Variants in PTPRS observed in about 807,000 individuals in gnomAD.
PTPRS encodes receptor-type tyrosine-protein phosphatase S.
A neutral mutation model predicts 215.3 loss-of-function variants in PTPRS; 63 were observed. That is an observed-to-expected ratio of 0.29 (90% CI 0.24 to 0.36). The LOEUF is 0.36. PTPRS is among the 10% of genes least tolerant of loss of function. PTPRS has a pLI of 1.00. For missense variants in PTPRS, 2,258 were observed against 2,825.8 expected, an observed-to-expected ratio of 0.80 and a Z score of 4.56; for synonymous variants, 1,404 against 1,191.4, an observed-to-expected ratio of 1.18 and a Z score of -3.68.
At chr19:5,209,634 C>A (rs1024461310) in intron 35 of PTPRS, among the ~76,000 whole-genome samples, 19 of 152,178 alleles carry the variant, frequency 1.2e-4, no homozygotes, top group Non-Finnish European at 2.5e-4. Context: ...CCACCCCCTG[C>A]TGGCCAAACA....
rs1182286643 is a variant in PTPRS, at chr19:5,244,145, G to T, written c.1326C>A (p.Thr442=). 1 of 1,603,404 alleles carries T rather than the reference G, an allele frequency of 6.2e-7. No homozygotes were observed. The highest frequency in any genetic ancestry group is 8.5e-7 in the Non-Finnish European group (1 of 1,175,292). ...CCGGCTCCTCCCACTGCACAATCAT[G>T]GTGGTCGCGCTGAGCATCCGGGCTT... ...NVQARMLSAT[T]MIVQWEEPVE... is the part of the protein sequence containing the mutation. The change falls in exon 11 of 38, where the codon ACC becomes ACA. Residue 442 remains threonine (T), a synonymous_variant. Transcript: ENST00000262963. The surrounding 1 kb of genome is among the most constrained non-coding windows in gnomAD (Gnocchi z 7.2).
intron 1 of PTPRS, among the ~76,000 whole-genome samples, chr19:5,299,152 C>A (rs2049228716): frequency 1.3e-5 from 2 of 152,158 alleles, no homozygotes; most frequent in South Asian, 4.1e-4. Flanking sequence ...GAGTCAGGTC[C>A]CGTCCCTCCT....
chr19:5,309,531 G>A (rs1190534744), intron 1 of PTPRS, among the ~76,000 whole-genome samples: 1 of 152,124 alleles, frequency 6.6e-6, no homozygotes, highest in Non-Finnish European at 1.5e-5. Context: ...GTCAGGAGCT[G>A]CCAACTCCAT....
At chr19:5,251,491 G>C (rs1440013025) in intron 9 of PTPRS, among the ~76,000 whole-genome samples, 2 of 145,786 alleles carry the variant, frequency 1.4e-5, no homozygotes, top group East Asian at 4.0e-4. Flanking sequence ...TTTTCCCCCA[G>C]TTCTGGCCAA....
intron 2 of PTPRS, among the ~76,000 whole-genome samples, chr19:5,277,510 GC>G (rs1171372581): frequency 6.6e-6 from 1 of 151,874 alleles, no homozygotes; most frequent in East Asian, 2.0e-4. Context: ...CAAAAAATTA[GC>G]TGGGCGAGGT....
At position 5,338,882 on chromosome 19, in the gene PTPRS, A is replaced by G. The variant is rs2050593947; in HGVS notation, c.-95+1782T>C. The stretch of plus-strand genomic sequence containing the variant: ...GAGGGAAGAAGGGCGCCCCAGACAA[A>G]GAGGCGCCGTCACCCTCTGCACCCC... On this transcript the variant is annotated intron_variant, in intron 1 of 37. Coordinates refer to ENST00000262963, the MANE Select transcript of PTPRS (RefSeq NM_002850.4). The surrounding 1 kb of genome is among the most constrained non-coding windows in gnomAD (Gnocchi z 4.2). Among the ~76,000 whole-genome samples, 1 of 152,142 alleles carries G rather than the reference A, an allele frequency of 6.6e-6. No homozygotes were observed. Among genetic ancestry groups the G allele is most frequent in the African/African-American group, 2.4e-5 (1 of 41,440 alleles).
Position 5,339,566 on chromosome 19 carries a change from G to A in PTPRS, c.-95+1098C>T, listed in dbSNP as rs2050618410. On this transcript the variant is annotated intron_variant, in intron 1 of 37. Coordinates refer to ENST00000262963, the MANE Select transcript of PTPRS (RefSeq NM_002850.4). This position sits in a 1 kb window ranked among gnomAD's most constrained non-coding sequence, Gnocchi z 4.2. ...GTGGGAAATGTCCAGGATTTGTAGG[G>A]GGAGGTCCGAAGGGGAGGATCTTAA... Among the ~76,000 whole-genome samples, 1 of 151,956 alleles carries A rather than the reference G, an allele frequency of 6.6e-6. No individual in the cohort carries two copies. The highest frequency in any genetic ancestry group is 2.4e-5 in the African/African-American group (1 of 41,374).
intron 1 of PTPRS, among the ~76,000 whole-genome samples, chr19:5,320,552 G>A (rs997205490): frequency 2.6e-5 from 4 of 152,114 alleles, no homozygotes; most frequent in Admixed American, 6.5e-5. Context: ...CTCCCAAGTA[G>A]CTGGGATTAC....
At chr19:5,333,363 G>A (rs2050391338) in intron 1 of PTPRS, among the ~76,000 whole-genome samples, 1 of 151,432 alleles carries the variant, frequency 6.6e-6, no homozygotes. Flanking sequence ...AAAGTCAGCT[G>A]GGCGTGCTGG....
At chr19:5,286,397 T>C (rs2048354151) in intron 1 of PTPRS, 163 bp from the exon 2 acceptor site, 1 of 519,528 alleles carries the variant, frequency 1.9e-6, no homozygotes. Flanking sequence ...ATGAAAGTGC[T>C]GGGCCCTTGC....
rs1052463006 is a variant in PTPRS at position 5,211,739 on chromosome 19, T to A, written c.5085A>T (p.Ser1695=). The A allele has an allele frequency of 1.5e-5, 24 of 1,613,730 alleles. No homozygotes were observed. Among genetic ancestry groups the A allele is most frequent in the Non-Finnish European group, 2.0e-5 (24 of 1,179,850 alleles). ...AAGGCAGATTGGCACTGATGAAGCG[T>A]GACGTGTGGGCCTTGGAGTTAGCCA... The part of the protein sequence containing the change: ...KRLANSKAHT[S]RFISANLPCN... The change falls in exon 33 of 38, where the codon TCA becomes TCT. Residue 1695 remains serine, a synonymous_variant. Coordinates refer to ENST00000262963, the MANE Select transcript of PTPRS (RefSeq NM_002850.4).
chr19:5,214,327 CACCCTCA>C (rs2041214995), intron 30 of PTPRS, 27 bp downstream of exon 30: 1 of 1,613,530 alleles, frequency 6.2e-7, no homozygotes, highest in Admixed American at 1.7e-5. Context: ...CACATTCCTC[CACCCTCA>C]GCCCCCAGCC....
chr19:5,218,585 G>A, intron 24 of PTPRS, 53 bp from the exon 25 acceptor site: 1 of 1,572,256 alleles, frequency 6.4e-7, no homozygotes, highest in Non-Finnish European at 8.8e-7. Context: ...ATGTTCATGT[G>A]TGAACACAAT....
intron 12 of PTPRS, 118 bp downstream of exon 12, chr19:5,240,081 G>A (rs2145871031): frequency 1.6e-6 from 2 of 1,216,480 alleles, no homozygotes; most frequent in Non-Finnish European, 1.1e-6. Context: ...AAGGGGTGAG[G>A]AAGAGCAGAA....
At chr19:5,223,883 T>C (rs1443758830) in intron 17 of PTPRS, among the ~76,000 whole-genome samples, 1 of 151,744 alleles carries the variant, frequency 6.6e-6, no homozygotes, top group Non-Finnish European at 1.5e-5. Flanking sequence ...TTTTTAAAAG[T>C]GGATCTCAAG....
intron 11 of PTPRS, among the ~76,000 whole-genome samples, chr19:5,242,956 G>C (rs145852623): frequency 5.9e-5 from 9 of 152,104 alleles, no homozygotes; most frequent in African/African-American, 1.7e-4. Flanking sequence ...AAAGTGCTGA[G>C]ATTACAGACA....
At position 5,229,296 on chromosome 19, in the gene PTPRS, T is replaced by C; in HGVS notation, c.2376+20A>G. ...CGGGAAGCGCACAGCAGTAGGTGGGTGGCCAGGGGCGCTACTTACATATTC... is the reference window on the plus strand; with the variant it reads ...CGGGAAGCGCACAGCAGTAGGTGGGCGGCCAGGGGCGCTACTTACATATTC... On this transcript the variant is annotated intron_variant, in intron 16 of 37. Transcript: ENST00000262963. The C allele has an allele frequency of 2.9e-6, 4 of 1,375,300 alleles. No homozygotes were observed. The highest frequency in any genetic ancestry group is 3.8e-6 in the Non-Finnish European group (4 of 1,059,688). The allele number at this position is 1,375,300 out of a possible 1,614,324, so 85.2% of individuals were successfully genotyped here. A position where few individuals can be genotyped will look rare whatever the true frequency, so the allele number is the denominator to read the frequency against.
Position 5,219,952 on chromosome 19 carries a change from T to C in PTPRS, c.3752A>G (p.Gln1251Arg), listed in dbSNP as rs757534258. ...RYVLFVLAVL[Q>R]KSEPTFAASP... ...TTCAGGACTTACAGGCTCGCTCTTC[T>C]GAAGCACGGCAAGCACGAAGAGGAC... Residue 1251 changes from glutamine to arginine, a missense_variant, in exon 22 of 38, where the codon CAG becomes CGG. By Grantham distance (43) the Gln-to-Arg change is conservative. Around this residue, in one of 6 missense-constraint regions of PTPRS, gnomAD observed 927 missense variants for 1,125.9 expected, o/e 0.82. Coordinates refer to ENST00000262963, the MANE Select transcript of PTPRS (RefSeq NM_002850.4). The C allele has an allele frequency of 6.2e-7, 1 of 1,613,740 alleles. No homozygotes were observed. Among genetic ancestry groups the C allele is most frequent in the Non-Finnish European group, 8.5e-7 (1 of 1,179,800 alleles).
Position 5,210,676 on chromosome 19 carries a change from C to T in PTPRS, c.5361+3G>A, listed in dbSNP as rs768873099. The T allele has an allele frequency of 7.4e-6, 12 of 1,614,036 alleles. No homozygotes were observed. Among genetic ancestry groups the T allele is most frequent in the South Asian group, 1.1e-5 (1 of 91,092 alleles). ...CCCTTCCCTGCTGTGGCCCCTAGCT[C>T]ACCCGGCCCATCTCCCGCAGCTTGG... is the stretch of plus-strand genomic sequence containing the variant. On this transcript the variant is annotated splice_donor_region_variant and intron_variant, in intron 34 of 37. Coordinates refer to ENST00000262963, the MANE Select transcript of PTPRS (RefSeq NM_002850.4). This position sits in a 1 kb window ranked among gnomAD's most constrained non-coding sequence, Gnocchi z 4.5.
Sources: allele counts gnomAD v4.1 joint callset (sites outside exome capture counted in the v4.1 genomes callset), GRCh38; gene constraint gnomAD v4.1.1; regional missense constraint gnomAD v4.1.1; non-coding constraint Gnocchi (gnomAD v3.1); transcripts MANE v1.5; gene names NCBI Gene and HGNC (gene_info 2026-07-23, HGNC 2026-07-21).